The following LRRC18 variants were observed in gnomAD, a reference collection of about 807,000 sequenced individuals.
LRRC18 encodes leucine rich repeat containing 18, also known as leucine-rich repeat-containing protein 18.
A neutral mutation model predicts 11.2 loss-of-function variants in LRRC18; 12 were observed. The ratio of observed to expected loss-of-function variants is 1.07; its 90% CI spans 0.69 to 1.74. The LOEUF (loss-of-function observed/expected upper bound fraction) is 1.74. LRRC18 is among the 40% of genes most tolerant of loss of function. LRRC18 has a pLI of 0.00. For synonymous variants in LRRC18, 155 were observed against 130.6 expected (o/e 1.19, Z -1.27); for missense variants, 374 against 330.5 (o/e 1.13, Z -1.02).
chr10:48,917,244 C>T (rs192609187), upstream of LRRC18, among the ~76,000 whole-genome samples: 148 of 152,252 alleles, frequency 9.7e-4, no homozygotes, highest in African/African-American at 3.3e-3. Flanking sequence ...CATGAAGTGA[C>T]ATGTGCCTCT....
At chr10:48,915,634 A>G (rs569549332), upstream of LRRC18, among the ~76,000 whole-genome samples, 42 of 152,094 alleles carry the variant, frequency 2.8e-4, no homozygotes, top group African/African-American at 1.0e-3. Flanking sequence ...TGTTTTCCTC[A>G]CCCAGTGTCA....
At chr10:48,938,947 G>A in the LRRC18 span, among the ~76,000 whole-genome samples, 58 of 152,290 alleles carry the variant, frequency 3.8e-4, 2 homozygotes, top group East Asian at 8.3e-3. Context: ...AGGCCAGGCC[G>A]GGTAACCGCC....
the LRRC18 span, among the ~76,000 whole-genome samples, chr10:48,922,881 G>T: frequency 6.6e-6 from 1 of 152,138 alleles, no homozygotes; most frequent in Non-Finnish European, 1.5e-5. Context: ...AGGGATTAGG[G>T]GTTGGGGAAA....
the LRRC18 span, among the ~76,000 whole-genome samples, chr10:48,921,587 C>A: frequency 7.3e-5 from 8 of 109,362 alleles, no homozygotes; most frequent in African/African-American, 2.6e-4. Flanking sequence ...ATAAGTTGAA[C>A]ACAATTAAAA....
At chr10:48,931,924 A>G in the LRRC18 span, among the ~76,000 whole-genome samples, 2 of 152,196 alleles carry the variant, frequency 1.3e-5, no homozygotes, top group African/African-American at 4.8e-5. Flanking sequence ...CAGCTTCTAG[A>G]TAGGATGGCC....
chr10:48,939,221 C>T, the LRRC18 span, among the ~76,000 whole-genome samples: 1 of 152,228 alleles, frequency 6.6e-6, no homozygotes, highest in East Asian at 1.9e-4. Context: ...ACTCTCCTTC[C>T]TCCAAGAGTA....
the LRRC18 span, among the ~76,000 whole-genome samples, chr10:48,937,018 C>A: frequency 1.3e-5 from 2 of 151,508 alleles, no homozygotes; most frequent in Non-Finnish European, 2.9e-5. Context: ...CTCCCGGGTT[C>A]GAGTAGCTGG....
At chr10:48,928,353 C>CGTGTGTGT in the LRRC18 span, among the ~76,000 whole-genome samples, 13,909 of 124,832 alleles carry the variant, frequency 0.11, 974 homozygotes, top group East Asian at 0.21. Context: ...TTGGTTTTGA[C>CGTGTGTGT]GTGTGTGTGT....
chr10:48,923,766 C>G, the LRRC18 span, among the ~76,000 whole-genome samples: 1 of 152,118 alleles, frequency 6.6e-6, no homozygotes. Flanking sequence ...TTCTGGCCAC[C>G]AGATTCCCCT....
the LRRC18 span, among the ~76,000 whole-genome samples, chr10:48,930,445 A>G: frequency 5.3e-5 from 8 of 152,176 alleles, no homozygotes; most frequent in Non-Finnish European, 7.4e-5. Context: ...CAAGTGCACT[A>G]TGGGGCTGGA....
At chr10:48,923,856 T>C in the LRRC18 span, among the ~76,000 whole-genome samples, 1 of 152,296 alleles carries the variant, frequency 6.6e-6, no homozygotes, top group East Asian at 1.9e-4. Context: ...CCAAACACAC[T>C]GAGCATGGCT....
At chr10:48,915,647 G>T (rs74485674), upstream of LRRC18, among the ~76,000 whole-genome samples, 308 of 152,284 alleles carry the variant, frequency 2.0e-3, no homozygotes, top group African/African-American at 4.9e-3. Flanking sequence ...CAGTGTCAAA[G>T]GGAAATGTGT....
At chr10:48,924,262 G>C in the LRRC18 span, among the ~76,000 whole-genome samples, 5 of 152,184 alleles carry the variant, frequency 3.3e-5, no homozygotes, top group African/African-American at 1.2e-4. Context: ...GTTATAGAAG[G>C]CAGAGTGTGT....
chr10:48,917,949 T>C (rs529758422), upstream of LRRC18, among the ~76,000 whole-genome samples: 3 of 152,324 alleles, frequency 2.0e-5, no homozygotes, highest in Admixed American at 2.0e-4. Flanking sequence ...AACTACTACA[T>C]AACGGGGAAG....
chr10:48,930,897 C>A, the LRRC18 span, among the ~76,000 whole-genome samples: 3 of 152,138 alleles, frequency 2.0e-5, no homozygotes, highest in Admixed American at 6.5e-5. Flanking sequence ...GGCACACATG[C>A]ACCCCCATAC....
the LRRC18 span, among the ~76,000 whole-genome samples, chr10:48,924,753 T>C: frequency 6.6e-6 from 1 of 152,234 alleles, no homozygotes; most frequent in Non-Finnish European, 1.5e-5. Context: ...AAAAAAGTAA[T>C]GGCAACCAAT....
the LRRC18 span, among the ~76,000 whole-genome samples, chr10:48,922,567 T>C: frequency 6.6e-6 from 1 of 152,232 alleles, no homozygotes; most frequent in South Asian, 2.1e-4. Context: ...TCTCTTACGG[T>C]GCCTAACTCG....
the LRRC18 span, among the ~76,000 whole-genome samples, chr10:48,920,556 A>G: frequency 1.3e-5 from 2 of 152,252 alleles, no homozygotes; most frequent in Non-Finnish European, 2.9e-5. Context: ...AGCTAGAGCT[A>G]GTATCATACT....
chr10:48,917,900 G>A (rs890795846), upstream of LRRC18, among the ~76,000 whole-genome samples: 1 of 152,174 alleles, frequency 6.6e-6, no homozygotes, highest in Non-Finnish European at 1.5e-5. Flanking sequence ...AACACTGTGT[G>A]ATGGAGTTGT....
Sources: gnomAD v4.1 joint callset for allele counts (sites outside exome capture counted in the v4.1 genomes callset) on GRCh38, gnomAD v4.1.1 for gene constraint, MANE v1.5 for transcripts, NCBI Gene and HGNC (gene_info 2026-07-23, HGNC 2026-07-21) for gene names.